The following MSI2 variants were observed in gnomAD, a reference collection of about 807,000 sequenced individuals.
MSI2 encodes the protein RNA-binding protein Musashi homolog 2.
MSI2 carries 17 observed loss-of-function variants against 45.6 expected under a neutral mutation model. That is an observed-to-expected ratio of 0.37 (90% CI 0.26 to 0.56). The LOEUF is 0.56. Among genes scored for constraint, MSI2 ranks in the 20% least tolerant of loss-of-function variants. The probability of loss-of-function intolerance (pLI) is 0.77; values close to 1 mark genes in which losing one functional copy is unlikely to be tolerated. For missense variants in MSI2, 293 were observed against 444.2 expected, an observed-to-expected ratio of 0.66 and a Z score of 3.06; for synonymous variants, 156 against 158.2, an observed-to-expected ratio of 0.99 and a Z score of 0.11.
intron 5 of MSI2, among the ~76,000 whole-genome samples, chr17:57,372,329 T>C (rs2083433145): frequency 6.6e-6 from 1 of 152,196 alleles, no homozygotes; most frequent in Non-Finnish European, 1.5e-5. Context: ...ATGGAAATAG[T>C]TTTCCTCTGA....
intron 6 of MSI2, among the ~76,000 whole-genome samples, chr17:57,434,300 G>A (rs530457607): frequency 2.0e-5 from 3 of 152,078 alleles, no homozygotes; most frequent in Non-Finnish European, 4.4e-5. Flanking sequence ...GGGTTTCACC[G>A]TGTTGCCTAG....
At chr17:57,315,756 T>C (rs1912804716) in intron 5 of MSI2, among the ~76,000 whole-genome samples, 1 of 152,132 alleles carries the variant, frequency 6.6e-6, no homozygotes, top group Non-Finnish European at 1.5e-5. Context: ...TTTCCTTCAA[T>C]CCTTGGGAGA....
chr17:57,656,837 T>A (rs8072058), intron 11 of MSI2, among the ~76,000 whole-genome samples: 123,137 of 152,194 alleles, frequency 0.81, 50,529 homozygotes, highest in African/African-American at 0.92. Flanking sequence ...GAGCACGTGC[T>A]GCCAGTCATC....
At chr17:57,261,574 T>A (rs1907311577) in intron 4 of MSI2, among the ~76,000 whole-genome samples, 1 of 152,178 alleles carries the variant, frequency 6.6e-6, no homozygotes. Context: ...TTACTTTTGC[T>A]AAAATGAATT....
chr17:57,603,272 C>T (rs1328912734), intron 8 of MSI2, among the ~76,000 whole-genome samples: 2 of 152,198 alleles, frequency 1.3e-5, no homozygotes, highest in African/African-American at 4.8e-5. Flanking sequence ...GTGAGGCATG[C>T]ATCTCTTGGG....
intron 5 of MSI2, among the ~76,000 whole-genome samples, chr17:57,321,947 C>A (rs761202750): frequency 2.0e-5 from 3 of 152,114 alleles, no homozygotes; most frequent in Non-Finnish European, 4.4e-5. Context: ...CAGGCTCCCA[C>A]CACCATGCCC....
chr17:57,362,761 C>G (rs1916904041), intron 5 of MSI2, among the ~76,000 whole-genome samples: 2 of 151,882 alleles, frequency 1.3e-5, no homozygotes, highest in South Asian at 4.2e-4. Context: ...AAAATTCATA[C>G]TAAAGTGCTT....
At chr17:57,597,702 G>A (rs988345772) in intron 8 of MSI2, among the ~76,000 whole-genome samples, 1 of 152,178 alleles carries the variant, frequency 6.6e-6, no homozygotes, top group Non-Finnish European at 1.5e-5. Context: ...AGAAGGGCGG[G>A]ATTTGACCTA....
intron 3 of MSI2, 96 bp downstream of exon 3, chr17:57,257,643 T>C (rs1442278126): frequency 2.8e-5 from 25 of 881,098 alleles, no homozygotes; most frequent in Admixed American, 4.0e-5. Context: ...CGGATTAGAA[T>C]GGGGCTCAGG....
At chr17:57,525,526 G>T (rs1359956240) in intron 6 of MSI2, among the ~76,000 whole-genome samples, 1 of 152,204 alleles carries the variant, frequency 6.6e-6, no homozygotes, top group East Asian at 1.9e-4. Context: ...GGCCTCAAGC[G>T]ATTTTCCCAC....
chr17:57,320,952 A>G (rs1364403181), intron 5 of MSI2, among the ~76,000 whole-genome samples: 1 of 151,968 alleles, frequency 6.6e-6, no homozygotes, highest in Non-Finnish European at 1.5e-5. Context: ...CCTTCCCTGC[A>G]TCTGGGCCCC....
intron 7 of MSI2, among the ~76,000 whole-genome samples, chr17:57,563,746 G>A (rs867691927): frequency 0.019 from 2,694 of 139,398 alleles, 44 homozygotes; most frequent in African/African-American, 0.043. Flanking sequence ...ACACAGGCGC[G>A]CACACACACA....
chr17:57,661,469 T>C (rs1271070127), intron 11 of MSI2, among the ~76,000 whole-genome samples: 1 of 152,000 alleles, frequency 6.6e-6, no homozygotes. Context: ...AGAGGGAGGT[T>C]CGTATTCTTC....
At position 57,643,031 on chromosome 17, in the gene MSI2, C is replaced by A. The variant is rs140461176; in HGVS notation, c.728-9068C>A. On this transcript the variant is annotated intron_variant, in intron 10 of 13. Transcript: ENST00000284073. The stretch of plus-strand genomic sequence containing the variant: ...TGAGCTCCAGCTGCAAGTTGGAATT[C>A]CCAGGAGAGCTTTGGCAGTTTCTGT... Among the ~76,000 whole-genome samples, 527 of 152,288 alleles carry A rather than the reference C, an allele frequency of 3.5e-3. 2 individuals are homozygous for A. Among genetic ancestry groups the A allele is most frequent in the African/African-American group, 0.012 (494 of 41,566 alleles).
intron 5 of MSI2, among the ~76,000 whole-genome samples, chr17:57,344,774 C>T (rs563976960): frequency 7.2e-5 from 11 of 152,308 alleles, no homozygotes; most frequent in South Asian, 4.1e-4. Flanking sequence ...ATCCTTAATA[C>T]GTCTAAAATA....
chr17:57,433,187 C>A (rs1372022939), intron 6 of MSI2, among the ~76,000 whole-genome samples: 1 of 152,202 alleles, frequency 6.6e-6, no homozygotes, highest in Non-Finnish European at 1.5e-5. Flanking sequence ...TAAGGTGACA[C>A]GCCAAGTTGT....
intron 6 of MSI2, among the ~76,000 whole-genome samples, chr17:57,443,217 G>A (rs930485563): frequency 2.6e-5 from 4 of 152,150 alleles, no homozygotes; most frequent in African/African-American, 9.7e-5. Context: ...GGGAGTGGGG[G>A]GCCATGTGTG....
At chr17:57,623,825 C>A (rs939966988) in intron 9 of MSI2, among the ~76,000 whole-genome samples, 2 of 152,204 alleles carry the variant, frequency 1.3e-5, no homozygotes, top group Non-Finnish European at 2.9e-5. Flanking sequence ...GTGAACCATT[C>A]GAGCAGAGCT....
intron 6 of MSI2, among the ~76,000 whole-genome samples, chr17:57,426,698 C>T (rs1027967173): frequency 6.6e-6 from 1 of 152,220 alleles, no homozygotes; most frequent in Non-Finnish European, 1.5e-5. Flanking sequence ...AATGGGTGTC[C>T]ATACAGCCTT....
Sources: allele counts gnomAD v4.1 joint callset (sites outside exome capture counted in the v4.1 genomes callset), GRCh38; gene constraint gnomAD v4.1.1; transcripts MANE v1.5; gene names NCBI Gene and HGNC (gene_info 2026-07-23, HGNC 2026-07-21).